RRP36: variants seen among roughly 807,000 people sequenced by gnomAD.
RRP36 encodes ribosomal RNA processing protein 36 homolog.
Under a neutral mutation model 39.8 loss-of-function variants are expected in RRP36, and 44 were observed. That is an observed-to-expected ratio of 1.10 (90% CI 0.87 to 1.42). The LOEUF (loss-of-function observed/expected upper bound fraction) is 1.42. RRP36 is among the 40% of genes most tolerant of loss of function. RRP36 has a pLI of 0.00. For synonymous variants in RRP36, 124 were observed against 123.1 expected, an observed-to-expected ratio of 1.01 and a Z score of -0.05; for missense variants, 316 against 322.4, an observed-to-expected ratio of 0.98 and a Z score of 0.15.
Position 43,021,624 on chromosome 6 carries a change from C to G in RRP36, c.-31C>G, listed in dbSNP as rs533536697. The G allele has an allele frequency of 5.4e-4, 698 of 1,283,488 alleles. No homozygotes were observed. Among genetic ancestry groups the G allele is most frequent in the Non-Finnish European group, 6.5e-4 (656 of 1,014,304 alleles). The allele number at this position is 1,283,488 out of a possible 1,614,324, so 79.5% of individuals were successfully genotyped here. On this transcript the variant is annotated 5_prime_UTR_variant, in exon 1 of 7. Coordinates refer to ENST00000244496, the MANE Select transcript of RRP36 (RefSeq NM_033112.4). ...GGGGCTGCCGTGAGCGGAAGCGGCGCCATTCGTCTTCCGAGCGCTACTGCC... is the reference window on the plus strand; with the variant it reads ...GGGGCTGCCGTGAGCGGAAGCGGCGGCATTCGTCTTCCGAGCGCTACTGCC...
In RRP36 at chr6:43,027,838, C is replaced by A. The variant is rs574815943; in HGVS notation, c.643+361C>A. On this transcript the variant is annotated intron_variant, in intron 6 of 6. Coordinates refer to ENST00000244496, the MANE Select transcript of RRP36 (RefSeq NM_033112.4). ...TTTTATCTCTTGGTCTACACACACA[C>A]ACACACACAATCAGTTTTATCTCTT... 4.0e-4 allele frequency among the ~76,000 whole-genome samples: 61 copies of A among 150,812 alleles called. No homozygotes were observed. The South Asian group carries it at 0.012, about 30-fold the overall frequency.
At chr6:43,024,953 G>A (rs745989787) in intron 1 of RRP36, 32 bp from the exon 2 acceptor site, 4 of 1,611,320 alleles carry the variant, frequency 2.5e-6, no homozygotes, top group Admixed American at 1.7e-5. Flanking sequence ...GACATGCTGA[G>A]CTGAGTTGTA....
chr6:43,027,762 TACACACACACACACACACAC>T (rs57851236), intron 6 of RRP36, among the ~76,000 whole-genome samples: 168 of 81,698 alleles, frequency 2.1e-3, no homozygotes, highest in Admixed American at 3.0e-3. Context: ...TGGTCTACAC[TACACACACACACACACACAC>T]ACACACACAC....
At position 43,027,255 on chromosome 6, in the gene RRP36, G is replaced by A. The variant is rs2150297029; in HGVS notation, c.525+3G>A. ...TGCAGCAACTGCTTCAGCGAATGGT[G>A]AGTGGGTAATAATTGTGGTGGGTAA... On this transcript the variant is annotated splice_donor_region_variant and intron_variant, in intron 5 of 6. Transcript: ENST00000244496. 6.2e-7 allele frequency: 1 copy of A among 1,614,138 alleles called. No homozygotes were observed. Among genetic ancestry groups the A allele is most frequent in the Middle Eastern group, 1.6e-4 (1 of 6,062 alleles).
Position 43,027,762 on chromosome 6 carries a change from TACACACACAC to T in RRP36, c.643+313_643+322del, listed in dbSNP as rs57851236. Among the ~76,000 whole-genome samples the T allele has an allele frequency of 7.0e-3, 570 of 81,684 alleles. 6 individuals carry two copies. The highest frequency in any genetic ancestry group is 0.024 in the Middle Eastern group (3 of 124). The allele number at this position is 81,684 out of a possible 152,430, so 53.6% of individuals were successfully genotyped here. A position where few individuals can be genotyped will look rare whatever the true frequency, so the allele number is the denominator to read the frequency against. The stretch of plus-strand genomic sequence containing the variant: ...GTGAGTTTTATCTCTTGGTCTACAC[TACACACACAC>T]ACACACACACACACACACACACACA... On this transcript the variant is annotated intron_variant, in intron 6 of 6. Coordinates refer to ENST00000244496, the MANE Select transcript of RRP36 (RefSeq NM_033112.4).
rs538376336 is a variant in RRP36 at position 43,022,523 on chromosome 6, C to A, written c.130+739C>A. 3.3e-5 allele frequency among the ~76,000 whole-genome samples: 5 copies of A among 152,070 alleles called. No individual in the cohort carries two copies. The South Asian group carries it at 1.0e-3, about 32-fold the overall frequency. On this transcript the variant is annotated intron_variant, in intron 1 of 6. Coordinates refer to ENST00000244496, the MANE Select transcript of RRP36 (RefSeq NM_033112.4). The stretch of plus-strand genomic sequence containing the variant: ...CGAACTCCCGGGCCCAAGAGATCCT[C>A]CTACCTCAGCCTTTCGAGTAGCTGG...
At chr6:43,027,804 CAG>C (rs1240722983) in intron 6 of RRP36, among the ~76,000 whole-genome samples, 14 of 134,256 alleles carry the variant, frequency 1.0e-4, no homozygotes, top group African/African-American at 2.3e-4. Context: ...CACACAAACA[CAG>C]AGTCAGTTTT....
chr6:43,024,249 G>A (rs1179415133), intron 1 of RRP36, among the ~76,000 whole-genome samples: 1 of 152,200 alleles, frequency 6.6e-6, no homozygotes, highest in East Asian at 1.9e-4. Flanking sequence ...CTGTACCTAT[G>A]TACAGTTTCT....
chr6:43,025,805 T>C (rs908181543), intron 3 of RRP36, among the ~76,000 whole-genome samples: 3 of 151,214 alleles, frequency 2.0e-5, no homozygotes, highest in East Asian at 1.9e-4. Context: ...TGGTGGCGGG[T>C]GCCTGTAGTC....
intron 6 of RRP36, among the ~76,000 whole-genome samples, chr6:43,027,799 A>AC (rs57550758): frequency 2.3e-4 from 30 of 133,068 alleles, no homozygotes; most frequent in Non-Finnish European, 4.1e-4. Flanking sequence ...ACACACACAC[A>AC]AACACAGAGT....
chr6:43,021,776 T>C lies in RRP36; in HGVS notation c.122T>C (p.Leu41Pro), dbSNP rs1762717809. ...GLEPAAVARD[L>P]LRGTSNMSFE... Reference sequence around the variant, plus strand: ...GAGCCCGCGGCCGTGGCCCGCGACCTATTGAGGGGTGAGGGCATGGGGCAG... The same window carrying C: ...GAGCCCGCGGCCGTGGCCCGCGACCCATTGAGGGGTGAGGGCATGGGGCAG... Residue 41 changes from leucine (L) to proline (P), a missense_variant, in exon 1 of 7, where the codon CTA (leucine) becomes CCA (proline). Transcript: ENST00000244496. 48 of 1,215,740 alleles carry C rather than the reference T, an allele frequency of 3.9e-5. No individual in the cohort carries two copies. Among genetic ancestry groups the C allele is most frequent in the Non-Finnish European group, 4.8e-5 (47 of 977,254 alleles). 75.3% of individuals were successfully genotyped at this position (1,215,740 alleles called of 1,614,324 possible). A position where few individuals can be genotyped will look rare whatever the true frequency, so the allele number is the denominator to read the frequency against.
Position 43,026,145 on chromosome 6 carries a change from T to C in RRP36, c.450+4T>C. The stretch of plus-strand genomic sequence containing the variant: ...CATCCGAGCGAAAGAGAAAGAGGTA[T>C]ACAGCTTGAGACTGGTTTATGGGGA... On this transcript the variant is annotated splice_donor_region_variant and intron_variant, in intron 4 of 6. Transcript: ENST00000244496. 1 of 1,607,564 alleles carries C rather than the reference T, an allele frequency of 6.2e-7. No homozygotes were observed. Among genetic ancestry groups the C allele is most frequent in the East Asian group, 2.2e-5 (1 of 44,832 alleles).
intron 6 of RRP36, among the ~76,000 whole-genome samples, chr6:43,027,720 C>CA (rs1273705464): frequency 7.6e-6 from 1 of 131,454 alleles, no homozygotes; most frequent in East Asian, 2.2e-4. Context: ...CAACCCCCCC[C>CA]CCCCAACACA....
intron 3 of RRP36, among the ~76,000 whole-genome samples, 156 bp from the exon 4 acceptor site, chr6:43,025,881 C>CT (rs1561863128): frequency 4.0e-5 from 6 of 151,766 alleles, no homozygotes; most frequent in Non-Finnish European, 5.9e-5. Context: ...TGCAGTGAGC[C>CT]GAGATTGCAC....
At chr6:43,026,922 C>T (rs375619869) in intron 4 of RRP36, among the ~76,000 whole-genome samples, 123 of 151,988 alleles carry the variant, frequency 8.1e-4, no homozygotes, top group African/African-American at 2.8e-3. Flanking sequence ...AAAAATTAGC[C>T]GGGCGTGGTG....
chr6:43,023,635 T>C lies in RRP36; in HGVS notation c.131-1350T>C, dbSNP rs185756781. On this transcript the variant is annotated intron_variant, in intron 1 of 6. Coordinates refer to ENST00000244496, the MANE Select transcript of RRP36 (RefSeq NM_033112.4). The stretch of plus-strand genomic sequence containing the variant: ...TGAACCTGGGAGGCGGAGGTTGCAG[T>C]GAGCCGAGATCGCGCCACTGCACTC... Among the ~76,000 whole-genome samples, 23 of 151,900 alleles carry C rather than the reference T, an allele frequency of 1.5e-4. No individual in the cohort carries two copies. In the East Asian group the frequency reaches 4.3e-3, roughly 29 times the overall value.
At chr6:43,022,631 CCTT>C (rs1191525600) in intron 1 of RRP36, among the ~76,000 whole-genome samples, 63 of 130,080 alleles carry the variant, frequency 4.8e-4, no homozygotes, top group Non-Finnish European at 8.0e-4. Flanking sequence ...CAAGGTCTCA[CCTT>C]TTTTTTTTTT....
intron 1 of RRP36, among the ~76,000 whole-genome samples, chr6:43,023,667 C>T (rs544859677): frequency 3.5e-4 from 53 of 151,582 alleles, no homozygotes; most frequent in African/African-American, 7.3e-5. Flanking sequence ...ACTCCAGCCT[C>T]GTGACAGAGT....
intron 6 of RRP36, among the ~76,000 whole-genome samples, chr6:43,028,805 T>G (rs1172127193): frequency 6.6e-6 from 1 of 151,414 alleles, no homozygotes; most frequent in African/African-American, 2.4e-5. Context: ...ACAAAAAAAT[T>G]AGCCATATGT....
Sources: allele counts gnomAD v4.1 joint callset (sites outside exome capture counted in the v4.1 genomes callset), GRCh38; gene constraint gnomAD v4.1.1; transcripts MANE v1.5; gene names NCBI Gene and HGNC (gene_info 2026-07-23, HGNC 2026-07-21).